Variants in TOX observed in about 807,000 individuals in gnomAD.
TOX encodes thymocyte selection associated high mobility group box, also known as thymocyte selection-associated high mobility group box protein TOX.
In TOX, 11 loss-of-function variants were observed where a neutral mutation model predicts 53.7. That is an observed-to-expected ratio of 0.20 (90% CI 0.13 to 0.34). The LOEUF (loss-of-function observed/expected upper bound fraction) is 0.34. Ranked by LOEUF, TOX falls within the 10% of genes least tolerant of loss-of-function variation. TOX has a pLI of 1.00. For missense variants in TOX, 570 were observed against 664.6 expected (o/e 0.86, Z 1.56); for synonymous variants, 225 against 245.3 (o/e 0.92, Z 0.77).
chr8:58,818,332 T>C (rs72649452), intron 6 of TOX, among the ~76,000 whole-genome samples: 11,989 of 152,234 alleles, frequency 0.079, 600 homozygotes, highest in Middle Eastern at 0.13. Flanking sequence ...TGAAACATAA[T>C]TTTTAACATA....
At chr8:58,818,776 C>T (rs957983613) in intron 6 of TOX, among the ~76,000 whole-genome samples, 35 of 152,128 alleles carry the variant, frequency 2.3e-4, no homozygotes, top group Admixed American at 6.5e-4. Flanking sequence ...TCTCTGCTCT[C>T]GGCAGGACCC....
chr8:59,018,620 A>G (rs1814059842), intron 1 of TOX, among the ~76,000 whole-genome samples: 1 of 151,992 alleles, frequency 6.6e-6, no homozygotes, highest in Non-Finnish European at 1.5e-5. Context: ...CTTTCCCACC[A>G]TTTTACTCTC....
chr8:59,092,637 T>A (rs1047697103), intron 1 of TOX, among the ~76,000 whole-genome samples: 1 of 152,004 alleles, frequency 6.6e-6, no homozygotes, highest in Non-Finnish European at 1.5e-5. Context: ...ACTCTCATCC[T>A]GTGCTGGTCT....
intron 1 of TOX, among the ~76,000 whole-genome samples, chr8:59,054,624 C>G (rs1803855779): frequency 6.6e-6 from 1 of 151,958 alleles, no homozygotes; most frequent in Non-Finnish European, 1.5e-5. Flanking sequence ...AAAAATAGTT[C>G]TGAGAATTAT....
rs547825074 is a variant in TOX at position 58,994,427 on chromosome 8, C to T, written c.103-34419G>A. On this transcript the variant is annotated intron_variant, in intron 1 of 8. Coordinates refer to ENST00000361421, the MANE Select transcript of TOX (RefSeq NM_014729.3). ...GTGTGTGTGTGTGTGTGTGCGCGCGCGCATGTGTGTGTATTTTTTTTTTTT... is the reference window on the plus strand; with the variant it reads ...GTGTGTGTGTGTGTGTGTGCGCGCGTGCATGTGTGTGTATTTTTTTTTTTT... Among the ~76,000 whole-genome samples, 237 of 146,748 alleles carry T rather than the reference C, an allele frequency of 1.6e-3. 1 individual carries two copies. Among genetic ancestry groups the T allele is most frequent in the African/African-American group, 5.6e-3 (222 of 39,428 alleles).
chr8:59,038,660 C>T (rs1265001768), intron 1 of TOX, among the ~76,000 whole-genome samples: 2 of 152,176 alleles, frequency 1.3e-5, no homozygotes, highest in African/African-American at 4.8e-5. Flanking sequence ...AACCTGGATT[C>T]GATGAGATTT....
chr8:58,988,439 G>A (rs573876643), intron 1 of TOX, among the ~76,000 whole-genome samples: 16 of 152,240 alleles, frequency 1.1e-4, no homozygotes, highest in Non-Finnish European at 2.2e-4. Flanking sequence ...CAACTATCTG[G>A]CCTGCAAAAC....
chr8:58,915,243 G>A (rs1346867085), intron 3 of TOX, among the ~76,000 whole-genome samples: 1 of 147,264 alleles, frequency 6.8e-6, no homozygotes, highest in African/African-American at 2.5e-5. Context: ...TCCACCTCTG[G>A]GGGCAGGGCA....
intron 1 of TOX, among the ~76,000 whole-genome samples, chr8:59,112,589 G>GA (rs1805034976): frequency 2.0e-5 from 3 of 152,202 alleles, no homozygotes; most frequent in Admixed American, 2.0e-4. Context: ...AAGATGAATT[G>GA]AAAATACATC....
chr8:58,826,665 T>C (rs896884690), intron 6 of TOX, among the ~76,000 whole-genome samples, 157 bp downstream of exon 6: 1 of 152,238 alleles, frequency 6.6e-6, no homozygotes, highest in Admixed American at 6.5e-5. Flanking sequence ...TGAACGAATA[T>C]TTCCATATCG....
At chr8:59,042,602 G>A (rs1195555020) in intron 1 of TOX, among the ~76,000 whole-genome samples, 1 of 152,134 alleles carries the variant, frequency 6.6e-6, no homozygotes, top group African/African-American at 2.4e-5. Context: ...CATACACCTA[G>A]TTCTTATAAC....
chr8:58,913,819 A>G (rs1277063268), intron 3 of TOX, among the ~76,000 whole-genome samples: 2 of 152,254 alleles, frequency 1.3e-5, no homozygotes, highest in Non-Finnish European at 2.9e-5. Context: ...AGATGCTTGA[A>G]AAAAAGAACA....
chr8:58,871,660 A>C lies in TOX; in HGVS notation c.412-19855T>G, dbSNP rs185493867. Among the ~76,000 whole-genome samples the C allele has an allele frequency of 2.5e-3, 377 of 152,268 alleles. 1 individual carries two copies. Among genetic ancestry groups the C allele is most frequent in the Non-Finnish European group, 4.3e-3 (293 of 68,006 alleles). On this transcript the variant is annotated intron_variant, in intron 3 of 8. Transcript: ENST00000361421. Reference sequence around the variant, plus strand: ...GTTTACTTACAAATTGGATACCACTATTCCATGGCAGATGGTGGAATGGAA... The same window carrying C: ...GTTTACTTACAAATTGGATACCACTCTTCCATGGCAGATGGTGGAATGGAA...
At chr8:58,961,703 T>A (rs1812800816) in intron 1 of TOX, among the ~76,000 whole-genome samples, 1 of 152,086 alleles carries the variant, frequency 6.6e-6, no homozygotes, top group Non-Finnish European at 1.5e-5. Context: ...AATTTTTGTA[T>A]TTTTAGTAGA....
chr8:58,986,963 A>G (rs1813341431), intron 1 of TOX, among the ~76,000 whole-genome samples: 1 of 152,200 alleles, frequency 6.6e-6, no homozygotes, highest in Non-Finnish European at 1.5e-5. Flanking sequence ...TGGAAAGGAG[A>G]GTAAAGCCTA....
chr8:58,813,614 T>A (rs1457934977), intron 7 of TOX, among the ~76,000 whole-genome samples: 1 of 152,170 alleles, frequency 6.6e-6, no homozygotes, highest in African/African-American at 2.4e-5. Flanking sequence ...AGAATATAAC[T>A]TGGTCATATG....
At chr8:59,010,931 G>A (rs1813893860) in intron 1 of TOX, among the ~76,000 whole-genome samples, 1 of 152,172 alleles carries the variant, frequency 6.6e-6, no homozygotes, top group African/African-American at 2.4e-5. Context: ...CTGCATAGCT[G>A]AATCACAGTC....
intron 5 of TOX, among the ~76,000 whole-genome samples, chr8:58,833,365 C>G (rs182966240): frequency 6.6e-5 from 10 of 152,288 alleles, no homozygotes; most frequent in Admixed American, 6.5e-4. Context: ...TGGACCAACC[C>G]TTTCTGCTTC....
At chr8:59,044,638 T>TA (rs1803653057) in intron 1 of TOX, among the ~76,000 whole-genome samples, 1 of 152,238 alleles carries the variant, frequency 6.6e-6, no homozygotes, top group Non-Finnish European at 1.5e-5. Context: ...TACATGATTT[T>TA]AAAAAAATCT....
Sources: gnomAD v4.1 joint callset for allele counts (sites outside exome capture counted in the v4.1 genomes callset) on GRCh38, gnomAD v4.1.1 for gene constraint, MANE v1.5 for transcripts, NCBI Gene and HGNC (gene_info 2026-07-23, HGNC 2026-07-21) for gene names.